The following FICD variants were observed in gnomAD, a reference collection of about 807,000 sequenced individuals.
FICD encodes the protein protein adenylyltransferase FICD.
FICD carries 13 observed loss-of-function variants against 28.0 expected under a neutral mutation model. The ratio of observed to expected loss-of-function variants is 0.46; its 90% confidence interval spans 0.30 to 0.74. The LOEUF (loss-of-function observed/expected upper bound fraction) is 0.74. FICD is among the 30% of genes least tolerant of loss of function. The pLI, the probability that FICD is intolerant of heterozygous loss-of-function variation, is 0.07. For synonymous variants in FICD, 268 were observed against 266.4 expected, an observed-to-expected ratio of 1.01 and a Z score of -0.06; for missense variants, 576 against 624.5, an observed-to-expected ratio of 0.92 and a Z score of 0.83.
At position 108,518,180 on chromosome 12, in the gene FICD, GAC is replaced by G. The variant is rs1376974546; in HGVS notation, c.302-215_302-214del. Reference sequence around the variant, plus strand: ...CAGAATACAAGAGAGTGGCTCTGGGGACACACGGATAGTGACTGCATACCACC... The same window carrying G: ...CAGAATACAAGAGAGTGGCTCTGGGGACACGGATAGTGACTGCATACCACC... On this transcript the variant is annotated intron_variant, in intron 2 of 2. Coordinates refer to ENST00000552695, the MANE Select transcript of FICD (RefSeq NM_007076.3). This position sits in a 1 kb window ranked among gnomAD's most constrained non-coding sequence, Gnocchi z 4.4. The G allele has an allele frequency of 1.0e-5, 7 of 702,752 alleles. No homozygotes were observed. The highest frequency in any genetic ancestry group is 2.0e-5 in the Admixed American group (1 of 49,990). The allele number at this position is 702,752 out of a possible 1,614,324, so 43.5% of individuals were successfully genotyped here. A position where few individuals can be genotyped will look rare whatever the true frequency, so the allele number is the denominator to read the frequency against.
At position 108,518,684 on chromosome 12, in the gene FICD, A is replaced by T; in HGVS notation, c.586A>T (p.Ser196Cys). 1 of 1,614,220 alleles carries T rather than the reference A, an allele frequency of 6.2e-7. No individual in the cohort carries two copies. The highest frequency in any genetic ancestry group is 8.5e-7 in the Non-Finnish European group (1 of 1,180,040). The change falls in exon 3 of 3, where the codon AGC (serine) becomes TGC (cysteine). Residue 196 changes from serine (S) to cysteine (C), a missense_variant. Transcript: ENST00000552695. This position sits in a 1 kb window ranked among gnomAD's most constrained non-coding sequence, Gnocchi z 4.4. ...LVEEIDQRYF[S>C]IIDSKVKKVM... ...GGAAGAGATCGACCAGAGGTATTTC[A>T]GCATCATCGACAGCAAAGTGAAGAA...
In FICD at chr12:108,518,087, G is replaced by A. The variant is rs747614740; in HGVS notation, c.302-313G>A. On this transcript the variant is annotated intron_variant, in intron 2 of 2. Transcript: ENST00000552695. This position sits in a 1 kb window ranked among gnomAD's most constrained non-coding sequence, Gnocchi z 4.4. ...GAAAGGCCCAGCAGAGAGGGCCCAGGCGAAGTAAATGCCTAGAACTTTCTA... is the reference window on the plus strand; with the variant it reads ...GAAAGGCCCAGCAGAGAGGGCCCAGACGAAGTAAATGCCTAGAACTTTCTA... 1 of 701,648 alleles carries A rather than the reference G, an allele frequency of 1.4e-6. No individual in the cohort carries two copies. The highest frequency in any genetic ancestry group is 1.5e-5 in the South Asian group (1 of 67,528). 43.5% of individuals were successfully genotyped at this position (701,648 alleles called of 1,614,324 possible).
intron 1 of FICD, among the ~76,000 whole-genome samples, chr12:108,515,563 C>T (rs965255458): frequency 5.3e-5 from 8 of 152,138 alleles, no homozygotes; most frequent in Non-Finnish European, 8.8e-5. Flanking sequence ...AGAACGCACT[C>T]CTTCCCTGCA....
In FICD at chr12:108,518,389, C is replaced by G. The variant is rs1351872214; in HGVS notation, c.302-11C>G. 8.7e-6 allele frequency: 14 copies of G among 1,612,336 alleles called. No homozygotes were observed. The highest frequency in any genetic ancestry group is 5.5e-5 in the South Asian group (5 of 91,076). On this transcript the variant is annotated splice_polypyrimidine_tract_variant and intron_variant, in intron 2 of 2. Transcript: ENST00000552695. This position sits in a 1 kb window ranked among gnomAD's most constrained non-coding sequence, Gnocchi z 4.4. ...TCCCTCCCTCACAGCGCTTCTTTGG[C>G]TCTCTTCCAGCGGGTAAGTTGGAAG...
chr12:108,516,537 AGACTTTCGGCAAGG>A (rs1871915699), intron 1 of FICD, among the ~76,000 whole-genome samples: 1 of 152,212 alleles, frequency 6.6e-6, no homozygotes, highest in African/African-American at 2.4e-5. Context: ...GCTCCCGGCG[AGACTTTCGGCAAGG>A]GACTTCACCT....
At position 108,518,791 on chromosome 12, in the gene FICD, G is replaced by A. The variant is rs368813727; in HGVS notation, c.693G>A (p.Val231=). 24 of 1,614,064 alleles carry A rather than the reference G, an allele frequency of 1.5e-5. No individual in the cohort carries two copies. Among genetic ancestry groups the A allele is most frequent in the Non-Finnish European group, 1.9e-5 (22 of 1,180,034 alleles). The change falls in exon 3 of 3, where the codon GTG becomes GTA. Residue 231 remains valine (V), a synonymous_variant. Transcript: ENST00000552695. This position sits in a 1 kb window ranked among gnomAD's most constrained non-coding sequence, Gnocchi z 4.4. The part of the protein sequence containing the change: ...ETYYHHIYHT[V]AIEGNTLTLS... ...ACTACCATCACATCTACCACACAGT[G>A]GCCATCGAGGGCAACACCCTCACCC...
chr12:108,515,707 G>A (rs1165797001), intron 1 of FICD, among the ~76,000 whole-genome samples: 1 of 152,122 alleles, frequency 6.6e-6, no homozygotes, highest in African/African-American at 2.4e-5. Context: ...CGCACCCCAA[G>A]CCATTTCACA....
At position 108,518,716 on chromosome 12, in the gene FICD, G is replaced by C; in HGVS notation, c.618G>C (p.Met206Ile). The change falls in exon 3 of 3, where the codon ATG becomes ATC. Residue 206 changes from methionine (M) to isoleucine (I), a missense_variant. Physicochemically the swap from Met to Ile is conservative, Grantham distance 10. Transcript: ENST00000552695. The surrounding 1 kb of genome is among the most constrained non-coding windows in gnomAD (Gnocchi z 4.4). ...TCGACAGCAAAGTGAAGAAGGTCAT[G>C]TCCATCCCCAAGGGGAACTCAGCTC... is the stretch of plus-strand genomic sequence containing the variant. The part of the protein sequence containing the change: ...SIIDSKVKKV[M>I]SIPKGNSALR... 6.2e-7 allele frequency: 1 copy of C among 1,614,220 alleles called. No individual in the cohort carries two copies. The highest frequency in any genetic ancestry group is 8.5e-7 in the Non-Finnish European group (1 of 1,180,044).
At chr12:108,516,268 A>G (rs2136651594) in intron 1 of FICD, among the ~76,000 whole-genome samples, 1 of 152,236 alleles carries the variant, frequency 6.6e-6, no homozygotes, top group East Asian at 1.9e-4. Context: ...CAGAGAGGGG[A>G]AGGGCACTGT....
chr12:108,518,603 A>C lies in FICD; in HGVS notation c.505A>C (p.Ile169Leu), dbSNP rs576372988. Residue 169 changes from isoleucine (I) to leucine (L), a missense_variant, in exon 3 of 3, where the codon ATC becomes CTC. Transcript: ENST00000552695. The surrounding 1 kb of genome is among the most constrained non-coding windows in gnomAD (Gnocchi z 4.4). ...ADYLYTRALTISPYHEKALVN... is the reference protein window; with the variant it reads ...ADYLYTRALTLSPYHEKALVN... ...CTACTTGTACACCAGAGCATTGACC[A>C]TCTCACCCTACCATGAGAAAGCACT... 1.2e-6 allele frequency: 2 copies of C among 1,614,198 alleles called. No homozygotes were observed. Among genetic ancestry groups the C allele is most frequent in the South Asian group, 2.2e-5 (2 of 91,080 alleles).
Position 108,519,406 on chromosome 12 carries a change from C to G in FICD, c.1308C>G (p.Tyr436Ter). The G allele has an allele frequency of 6.2e-7, 1 of 1,614,122 alleles. No individual in the cohort carries two copies. The highest frequency in any genetic ancestry group is 8.5e-7 in the Non-Finnish European group (1 of 1,180,014). Residue 436 changes from tyrosine (Y) to a stop codon, truncating the protein, a stop_gained, in exon 3 of 3, where the codon TAC (tyrosine) becomes TAG (stop). Coordinates refer to ENST00000552695, the MANE Select transcript of FICD (RefSeq NM_007076.3). LOFTEE classifies it high-confidence loss of function. The surrounding 1 kb of genome is among the most constrained non-coding windows in gnomAD (Gnocchi z 4.5). ...LDTLLFATTE[Y>*]SVALPEAQPN... ...CCCTGCTTTTTGCCACAACTGAGTACTCGGTGGCACTGCCAGAAGCCCAAC... is the reference window on the plus strand; with the variant it reads ...CCCTGCTTTTTGCCACAACTGAGTAGTCGGTGGCACTGCCAGAAGCCCAAC...
In FICD at chr12:108,519,183, T is replaced by C. The variant is rs1194132624; in HGVS notation, c.1085T>C (p.Ile362Thr). The change falls in exon 3 of 3, where the codon ATC (isoleucine) becomes ACC (threonine). Residue 362 changes from isoleucine (I) to threonine (T), a missense_variant. Ile to Thr is a moderately conservative substitution (Grantham distance 89, BLOSUM62 -1). Coordinates refer to ENST00000552695, the MANE Select transcript of FICD (RefSeq NM_007076.3). This position sits in a 1 kb window ranked among gnomAD's most constrained non-coding sequence, Gnocchi z 4.5. ...AALAHYKLVY[I>T]HPFIDGNGRT... Reference sequence around the variant, plus strand: ...TTAGCCCATTATAAACTCGTTTACATCCACCCTTTCATTGATGGCAACGGG... The same window carrying C: ...TTAGCCCATTATAAACTCGTTTACACCCACCCTTTCATTGATGGCAACGGG... 6.2e-7 allele frequency: 1 copy of C among 1,614,262 alleles called. No homozygotes were observed. The highest frequency in any genetic ancestry group is 1.7e-5 in the Admixed American group (1 of 60,030).
In FICD at chr12:108,518,358, C is replaced by G. The variant is rs371009424; in HGVS notation, c.302-42C>G. Reference sequence around the variant, plus strand: ...CAGCCCCCCGAATGTCCTCTGCCCCCTAGCCTCCCTCCCTCACAGCGCTTC... The same window carrying G: ...CAGCCCCCCGAATGTCCTCTGCCCCGTAGCCTCCCTCCCTCACAGCGCTTC... On this transcript the variant is annotated intron_variant, in intron 2 of 2. Coordinates refer to ENST00000552695, the MANE Select transcript of FICD (RefSeq NM_007076.3). The surrounding 1 kb of genome is among the most constrained non-coding windows in gnomAD (Gnocchi z 4.4). The G allele has an allele frequency of 3.2e-6, 5 of 1,562,890 alleles. No homozygotes were observed. In the African/African-American group the frequency reaches 4.1e-5, roughly 13 times the overall value.
Position 108,520,888 on chromosome 12 carries a change from T to C in FICD, c.*1413T>C, listed in dbSNP as rs946136466. ...CAGTAATGAGGCCACTGCTCTAAAG[T>C]AGTTTATACAGTTCTTCAGTTGTAT... On this transcript the variant is annotated 3_prime_UTR_variant, in exon 3 of 3. Transcript: ENST00000552695. 1 of 152,252 alleles carries C rather than the reference T, an allele frequency of 6.6e-6. No individual in the cohort carries two copies. The highest frequency in any genetic ancestry group is 2.4e-5 in the African/African-American group (1 of 41,470). 9.4% of individuals were successfully genotyped at this position (152,252 alleles called of 1,614,324 possible). A position where few individuals can be genotyped will look rare whatever the true frequency, so the allele number is the denominator to read the frequency against.
In FICD at chr12:108,517,104, G is replaced by A. The variant is rs750284577; in HGVS notation, c.132G>A (p.Leu44=). 1.2e-6 allele frequency: 2 copies of A among 1,609,624 alleles called. No homozygotes were observed. The highest frequency in any genetic ancestry group is 1.7e-6 in the Non-Finnish European group (2 of 1,177,928). The stretch of plus-strand genomic sequence containing the variant: ...CCCTGCTGGCCCTGCTGCTGCCGCT[G>A]GGGGCTGTGGAGGAGCAGTGCTTGG... ...LGSLLALLLP[L]GAVEEQCLAV... The change falls in exon 2 of 3, where the codon CTG becomes CTA. Residue 44 remains leucine, a synonymous_variant. Transcript: ENST00000552695.
Position 108,518,644 on chromosome 12 carries a change from G to C in FICD, c.546G>C (p.Arg182=), listed in dbSNP as rs1453874754. Reference sequence around the variant, plus strand: ...AGAAAGCACTGGTCAACCGCGATCGGACACTGCCTCTTGTGGAAGAGATCG... The same window carrying C: ...AGAAAGCACTGGTCAACCGCGATCGCACACTGCCTCTTGTGGAAGAGATCG... ...YHEKALVNRD[R]TLPLVEEIDQ... The change falls in exon 3 of 3, where the codon CGG becomes CGC. Residue 182 remains arginine (R), a synonymous_variant. Coordinates refer to ENST00000552695, the MANE Select transcript of FICD (RefSeq NM_007076.3). The surrounding 1 kb of genome is among the most constrained non-coding windows in gnomAD (Gnocchi z 4.4). 1 of 1,614,194 alleles carries C rather than the reference G, an allele frequency of 6.2e-7. No homozygotes were observed. Among genetic ancestry groups the C allele is most frequent in the Admixed American group, 1.7e-5 (1 of 60,026 alleles).
At chr12:108,515,657 C>T (rs1871889281) in intron 1 of FICD, among the ~76,000 whole-genome samples, 1 of 152,166 alleles carries the variant, frequency 6.6e-6, no homozygotes, top group Non-Finnish European at 1.5e-5. Flanking sequence ...CGCCCAGACC[C>T]CTGGACCCGC....
rs971732739 is a variant in FICD, at chr12:108,520,506, C to G, written c.*1031C>G. On this transcript the variant is annotated 3_prime_UTR_variant, in exon 3 of 3. Transcript: ENST00000552695. ...CATCCCTTTGGTCCTGGAGTTTCATCTACTTACTGCCATCTTCCACGGTCT... is the reference window on the plus strand; with the variant it reads ...CATCCCTTTGGTCCTGGAGTTTCATGTACTTACTGCCATCTTCCACGGTCT... 6.6e-6 allele frequency: 1 copy of G among 152,266 alleles called. No homozygotes were observed. 9.4% of individuals were successfully genotyped at this position (152,266 alleles called of 1,614,324 possible). A position where few individuals can be genotyped will look rare whatever the true frequency, so the allele number is the denominator to read the frequency against.
chr12:108,516,844 C>A, intron 1 of FICD, 71 bp from the exon 2 acceptor site: 1 of 725,462 alleles, frequency 1.4e-6, no homozygotes. Context: ...TCTCCAAACC[C>A]ATCTTCCCAG....
Sources: allele counts gnomAD v4.1 joint callset (sites outside exome capture counted in the v4.1 genomes callset), GRCh38; gene constraint gnomAD v4.1.1; non-coding constraint Gnocchi (gnomAD v3.1); transcripts MANE v1.5; gene names NCBI Gene and HGNC (gene_info 2026-07-23, HGNC 2026-07-21).